Variants in CAST observed in about 807,000 individuals in gnomAD.
The protein encoded by CAST is MIR583 host.
CAST carries 76 observed loss-of-function variants against 119.6 expected under a neutral mutation model. The ratio of observed to expected loss-of-function variants is 0.64; its 90% CI spans 0.53 to 0.77. CAST has a LOEUF of 0.77. Ranked by LOEUF, CAST falls within the 30% of genes least tolerant of loss-of-function variation. The probability of loss-of-function intolerance (pLI) is 0.00; values close to 1 mark genes in which losing one functional copy is unlikely to be tolerated. For synonymous variants in CAST, 319 were observed against 331.6 expected, an observed-to-expected ratio of 0.96 and a Z score of 0.41; for missense variants, 953 against 946.5, an observed-to-expected ratio of 1.01 and a Z score of -0.09.
intron 3 of CAST, among the ~76,000 whole-genome samples, chr5:96,702,370 AT>A (rs1433340530): frequency 6.6e-6 from 1 of 152,200 alleles, no homozygotes; most frequent in Non-Finnish European, 1.5e-5. Flanking sequence ...GTAATATACT[AT>A]AATATAAAGT....
At chr5:96,680,380 G>GAAAAAAAAAAAAAAAAA (rs1751255045) in intron 2 of CAST, among the ~76,000 whole-genome samples, 2 of 72,740 alleles carry the variant, frequency 2.7e-5, no homozygotes, top group African/African-American at 7.5e-5. Flanking sequence ...AAAAAAAAAA[G>GAAAAAAAAAAAAAAAAA]AAGAAGAAGA....
the CAST span, chr5:96,391,972 A>G: frequency 6.6e-6 from 1 of 152,216 alleles, no homozygotes; most frequent in Non-Finnish European, 1.5e-5. Context: ...TTTTAGTATC[A>G]AGGAATAAAC....
chr5:96,469,879 A>ATATATATATATAATATATATATATATTAT, the CAST span, among the ~76,000 whole-genome samples: 3 of 107,418 alleles, frequency 2.8e-5, no homozygotes, highest in Non-Finnish European at 6.7e-5. Flanking sequence ...ATATATATAT[A>ATATATATATATAATATATATATATATTAT]ATATATATAT....
At chr5:96,169,404 G>T in the CAST span, among the ~76,000 whole-genome samples, 929 of 152,220 alleles carry the variant, frequency 6.1e-3, 14 homozygotes, top group African/African-American at 0.021. Flanking sequence ...GTTGTGGAGG[G>T]AGGTATTGAG....
chr5:96,059,435 A>G, the CAST span, among the ~76,000 whole-genome samples: 3 of 152,128 alleles, frequency 2.0e-5, no homozygotes, highest in African/African-American at 7.2e-5. Context: ...AGCACGGCAA[A>G]TGATATGGCA....
intron 3 of CAST, among the ~76,000 whole-genome samples, chr5:96,709,785 TTTAA>T (rs1755730781): frequency 1.3e-5 from 2 of 152,222 alleles, no homozygotes; most frequent in Non-Finnish European, 2.9e-5. Context: ...TTTCTGAAAA[TTTAA>T]TTACTTGACC....
chr5:96,296,390 A>G, the CAST span, among the ~76,000 whole-genome samples: 6 of 152,248 alleles, frequency 3.9e-5, no homozygotes, highest in Non-Finnish European at 8.8e-5. Flanking sequence ...TTTTCTGGCT[A>G]AACCTATCCT....
chr5:96,181,722 TA>T, the CAST span, among the ~76,000 whole-genome samples: 2 of 152,226 alleles, frequency 1.3e-5, no homozygotes, highest in Non-Finnish European at 2.9e-5. Flanking sequence ...TTAGGGGAAC[TA>T]GGGGAAATAC....
At chr5:96,313,227 T>C in the CAST span, among the ~76,000 whole-genome samples, 5 of 152,146 alleles carry the variant, frequency 3.3e-5, no homozygotes, top group African/African-American at 1.2e-4. Flanking sequence ...TAAAATTCAC[T>C]GTGTTTATGT....
the CAST span, among the ~76,000 whole-genome samples, chr5:96,006,232 A>G: frequency 1.3e-5 from 2 of 152,200 alleles, no homozygotes; most frequent in Non-Finnish European, 2.9e-5. Flanking sequence ...CAATGAAAAT[A>G]TCTGGCTAGG....
At chr5:96,166,598 A>G in the CAST span, among the ~76,000 whole-genome samples, 57 of 152,332 alleles carry the variant, frequency 3.7e-4, no homozygotes, top group East Asian at 0.01. Context: ...ATCATATTTA[A>G]TGATTGAATT....
rs188891124 is a variant in CAST at position 96,676,627 on chromosome 5, C to G, written c.138+1026C>G. Among the ~76,000 whole-genome samples, 246 of 151,662 alleles carry G rather than the reference C, an allele frequency of 1.6e-3. 1 individual carries two copies. The highest frequency in any genetic ancestry group is 5.7e-3 in the African/African-American group (234 of 41,278). On this transcript the variant is annotated intron_variant, in intron 2 of 31. Coordinates refer to ENST00000675179, the MANE Select transcript of CAST (RefSeq NM_001750.7). The stretch of plus-strand genomic sequence containing the variant: ...GTGAATTTTTTATAGCCATGAAAGG[C>G]AAATGTTTCTTTAAAAATACAAAGT...
intron 4 of CAST, among the ~76,000 whole-genome samples, chr5:96,725,533 T>C (rs1759098928): frequency 6.6e-6 from 1 of 152,222 alleles, no homozygotes; most frequent in Non-Finnish European, 1.5e-5. Context: ...CATAGGATTA[T>C]TATGAAGATA....
At chr5:95,962,185 A>C in the CAST span, 1 of 268,354 alleles carries the variant, frequency 3.7e-6, no homozygotes, top group African/African-American at 2.2e-5. Flanking sequence ...GGTTACCTGG[A>C]GTTGGAGCCC....
the CAST span, among the ~76,000 whole-genome samples, chr5:96,060,509 A>G: frequency 6.6e-6 from 1 of 152,144 alleles, no homozygotes; most frequent in Admixed American, 6.5e-5. Flanking sequence ...CCAGCGTCCT[A>G]TCACCAAGAA....
the CAST span, among the ~76,000 whole-genome samples, chr5:96,215,982 A>G: frequency 1.3e-5 from 2 of 151,708 alleles, no homozygotes; most frequent in African/African-American, 4.8e-5. Context: ...TAATTTTTGT[A>G]TTTTTAGTAG....
At chr5:96,068,009 A>T in the CAST span, among the ~76,000 whole-genome samples, 1 of 152,318 alleles carries the variant, frequency 6.6e-6, no homozygotes, top group East Asian at 1.9e-4. Context: ...GGGGAAAGGC[A>T]GTCAGAGGTA....
chr5:96,724,778 G>T (rs1402023387), intron 4 of CAST, among the ~76,000 whole-genome samples: 1 of 152,000 alleles, frequency 6.6e-6, no homozygotes, highest in East Asian at 1.9e-4. Context: ...AGCTGTGATT[G>T]CACCACTGCA....
At chr5:96,621,313 T>G (rs908121643) in intron 1 of CAST, among the ~76,000 whole-genome samples, 5 of 152,202 alleles carry the variant, frequency 3.3e-5, no homozygotes, top group African/African-American at 4.8e-5. Flanking sequence ...TCATAGCAAT[T>G]TAATCAAGAT....
Sources: allele counts gnomAD v4.1 joint callset (sites outside exome capture counted in the v4.1 genomes callset), GRCh38; gene constraint gnomAD v4.1.1; transcripts MANE v1.5; gene names NCBI Gene and HGNC (gene_info 2026-07-23, HGNC 2026-07-21).